Variants in DLGAP2 observed in about 807,000 individuals in gnomAD.
DLGAP2 encodes DLG associated protein 2.
In DLGAP2, 26 loss-of-function variants were observed where a neutral mutation model predicts 100.3. The ratio of observed to expected loss-of-function variants is 0.26; its 90% CI spans 0.19 to 0.36. The LOEUF is 0.36. DLGAP2 is among the 10% of genes least tolerant of loss of function. The pLI is 1.00. For synonymous variants in DLGAP2, 886 were observed against 630.1 expected (o/e 1.41, Z -6.08); for missense variants, 1,858 against 1,453.2 (o/e 1.28, Z -4.53).
rs542861825 is a variant in DLGAP2 at position 1,511,845 on chromosome 8, C to T, written c.172+10414C>T. Among the ~76,000 whole-genome samples, 773 of 152,330 alleles carry T rather than the reference C, an allele frequency of 5.1e-3. 4 individuals are homozygous for T. Among genetic ancestry groups the T allele is most frequent in the African/African-American group, 0.018 (742 of 41,574 alleles). ...GTCTAGTGTAAGACAATCAGTAGGT[C>T]ACATGAGCAAAGGTGAACCCCAAAA... On this transcript the variant is annotated intron_variant, in intron 4 of 14. Coordinates refer to ENST00000637795, the MANE Select transcript of DLGAP2 (RefSeq NM_001346810.2).
chr8:1,485,941 C>T (rs560880595), intron 3 of DLGAP2, among the ~76,000 whole-genome samples: 4 of 152,292 alleles, frequency 2.6e-5, no homozygotes, highest in East Asian at 1.9e-4. Context: ...GCAGGAGGAT[C>T]GCTTGAACCC....
chr8:932,342 C>G (rs752462256), intron 2 of DLGAP2, among the ~76,000 whole-genome samples: 2 of 152,144 alleles, frequency 1.3e-5, no homozygotes, highest in Non-Finnish European at 2.9e-5. Context: ...CTCTCATGAT[C>G]CGGTTCTTTT....
chr8:1,470,059 G>A (rs182321519), intron 3 of DLGAP2, among the ~76,000 whole-genome samples: 1 of 152,154 alleles, frequency 6.6e-6, no homozygotes, highest in East Asian at 1.9e-4. Context: ...CTGCTCATGA[G>A]GTTGAGGCAG....
At chr8:1,584,377 C>A (rs1796047391) in intron 6 of DLGAP2, among the ~76,000 whole-genome samples, 1 of 152,206 alleles carries the variant, frequency 6.6e-6, no homozygotes, top group African/African-American at 2.4e-5. Context: ...GAGCAGACGC[C>A]AGACTCCTCG....
chr8:817,448 G>A (rs1410287124), intron 1 of DLGAP2, among the ~76,000 whole-genome samples: 1 of 152,198 alleles, frequency 6.6e-6, no homozygotes, highest in East Asian at 1.9e-4. Context: ...TAATTGACCT[G>A]CATTATTTTT....
chr8:1,224,801 A>T (rs1251151503), intron 2 of DLGAP2, among the ~76,000 whole-genome samples: 1 of 152,240 alleles, frequency 6.6e-6, no homozygotes, highest in African/African-American at 2.4e-5. Context: ...TCCAAGGAAG[A>T]TATACAAATG....
rs182668284 is a variant in DLGAP2, at chr8:1,534,840, T to C, written c.173-13786T>C. ...GTGTGTGCGTGTGCGCACGTGTGCT[T>C]GCGTGTGTGTGAAATCAGACTTTGC... On this transcript the variant is annotated intron_variant, in intron 4 of 14. Transcript: ENST00000637795. Among the ~76,000 whole-genome samples the C allele has an allele frequency of 1.1e-4, 17 of 152,362 alleles. No individual in the cohort carries two copies. The East Asian group carries it at 2.9e-3, about 26-fold the overall frequency.
At position 1,075,127 on chromosome 8, in the gene DLGAP2, C is replaced by G. The variant is rs1368359158; in HGVS notation, c.73+167161C>G. Among the ~76,000 whole-genome samples the G allele has an allele frequency of 2.0e-5, 3 of 152,334 alleles. No homozygotes were observed. The East Asian group carries it at 5.8e-4, about 29-fold the overall frequency. ...TGAGCCCTCTGGCGATGTCCTCAGA[C>G]TCAATGGAGTTCACCACTTGGGGCT... On this transcript the variant is annotated intron_variant, in intron 2 of 14. Coordinates refer to ENST00000637795, the MANE Select transcript of DLGAP2 (RefSeq NM_001346810.2).
chr8:1,489,003 C>T (rs56981581), intron 3 of DLGAP2, among the ~76,000 whole-genome samples: 1 of 152,190 alleles, frequency 6.6e-6, no homozygotes, highest in Non-Finnish European at 1.5e-5. Context: ...ACTCAACTCG[C>T]ATTCAGCTTA....
At chr8:1,106,870 A>T (rs12547169) in intron 2 of DLGAP2, among the ~76,000 whole-genome samples, 1 of 152,124 alleles carries the variant, frequency 6.6e-6, no homozygotes. Flanking sequence ...CAAATTATCA[A>T]ATGAGAATAG....
intron 1 of DLGAP2, among the ~76,000 whole-genome samples, chr8:898,941 C>T (rs545493097): frequency 2.0e-5 from 3 of 152,340 alleles, no homozygotes; most frequent in African/African-American, 4.8e-5. Context: ...GGGAGCTTGA[C>T]GGACAAACAG....
chr8:816,821 TG>T (rs1453454131), intron 1 of DLGAP2, among the ~76,000 whole-genome samples: 1 of 152,204 alleles, frequency 6.6e-6, no homozygotes, highest in Non-Finnish European at 1.5e-5. Flanking sequence ...GTTTTCCAAA[TG>T]GTTAGATTTC....
At chr8:893,449 T>G (rs1798077674) in intron 1 of DLGAP2, among the ~76,000 whole-genome samples, 1 of 152,142 alleles carries the variant, frequency 6.6e-6, no homozygotes, top group African/African-American at 2.4e-5. Context: ...TCAATTAGAT[T>G]TAATTAGGCA....
chr8:1,173,281 G>C (rs1052375400), intron 2 of DLGAP2, among the ~76,000 whole-genome samples: 2 of 152,210 alleles, frequency 1.3e-5, no homozygotes, highest in Non-Finnish European at 2.9e-5. Flanking sequence ...TGAGGTGTCA[G>C]TCTGCCCCTA....
At chr8:1,213,715 C>G (rs552489661) in intron 2 of DLGAP2, among the ~76,000 whole-genome samples, 3 of 152,262 alleles carry the variant, frequency 2.0e-5, no homozygotes, top group African/African-American at 4.8e-5. Context: ...AGGGCCCTCT[C>G]CCATCAGGAT....
intron 1 of DLGAP2, among the ~76,000 whole-genome samples, chr8:878,792 C>T (rs1316321764): frequency 6.6e-6 from 1 of 152,196 alleles, no homozygotes; most frequent in Non-Finnish European, 1.5e-5. Context: ...GGCCCACTTC[C>T]CCTCCTACTT....
chr8:1,214,704 C>T (rs17065838), intron 2 of DLGAP2, among the ~76,000 whole-genome samples: 8,399 of 152,260 alleles, frequency 0.055, 359 homozygotes, highest in African/African-American at 0.12. Context: ...GTGCACTGCA[C>T]CTAGTTCTTC....
At chr8:1,507,131 G>A (rs374584589) in intron 4 of DLGAP2, among the ~76,000 whole-genome samples, 5 of 152,238 alleles carry the variant, frequency 3.3e-5, no homozygotes, top group Admixed American at 6.5e-5. Context: ...CTGGGGCCAC[G>A]GGCAGAGCTG....
intron 3 of DLGAP2, among the ~76,000 whole-genome samples, chr8:1,486,670 C>G (rs1196893155): frequency 6.6e-6 from 1 of 152,216 alleles, no homozygotes. Context: ...TCTTCCAACT[C>G]TAAATAATAT....
Sources: gnomAD v4.1 joint callset for allele counts (sites outside exome capture counted in the v4.1 genomes callset) on GRCh38, gnomAD v4.1.1 for gene constraint, MANE v1.5 for transcripts, NCBI Gene and HGNC (gene_info 2026-07-23, HGNC 2026-07-21) for gene names.